Variants in FAM184A observed in about 807,000 individuals in gnomAD.
FAM184A encodes family with sequence similarity 184 member A.
In FAM184A, 99 loss-of-function variants were observed where a neutral mutation model predicts 143.8. That is an observed-to-expected ratio of 0.69 (90% CI 0.58 to 0.81). The LOEUF (loss-of-function observed/expected upper bound fraction) is 0.81. Ranked by LOEUF, FAM184A falls within the 40% of genes least tolerant of loss-of-function variation. The pLI is 0.00. For synonymous variants in FAM184A, 427 were observed against 446.4 expected (o/e 0.96, Z 0.55); for missense variants, 1,217 against 1,310.5 (o/e 0.93, Z 1.10).
chr6:118,960,308 T>C (rs1783279117), intron 17 of FAM184A, 124 bp from the exon 18 acceptor site: 1 of 721,388 alleles, frequency 1.4e-6, no homozygotes, highest in East Asian at 2.7e-5. Flanking sequence ...AGTCGTGTTT[T>C]AAAGATTTGC....
At chr6:119,122,725 C>T (rs1430650760) in intron 1 of FAM184A, among the ~76,000 whole-genome samples, 4 of 151,672 alleles carry the variant, frequency 2.6e-5, no homozygotes, top group South Asian at 4.2e-4. Flanking sequence ...AGTTCAACAC[C>T]GACCTGGGCA....
chr6:118,974,515 TCTG>T lies in FAM184A; in HGVS notation c.2825_2827del (p.Ala942del). On this transcript the variant is annotated inframe_deletion, in exon 14 of 18. Coordinates refer to ENST00000338891, the MANE Select transcript of FAM184A (RefSeq NM_024581.6). ...CATGATATTTTTCTCTCTGAGGTGG[TCTG>T]CTGTCATGACATCCAACTCTTTTTC... is the stretch of plus-strand genomic sequence containing the variant. The T allele has an allele frequency of 3.1e-6, 5 of 1,612,350 alleles. No homozygotes were observed. Among genetic ancestry groups the T allele is most frequent in the Non-Finnish European group, 4.2e-6 (5 of 1,178,990 alleles).
Position 118,961,780 on chromosome 6 carries a change from C to G in FAM184A, c.3322G>C (p.Gly1108Arg). 1.2e-6 allele frequency: 2 copies of G among 1,613,704 alleles called. No individual in the cohort carries two copies. The highest frequency in any genetic ancestry group is 1.7e-6 in the Non-Finnish European group (2 of 1,179,782). Reference sequence around the variant, plus strand: ...TCTCACCTCAAAAATGTCTTGGGCCCTTTAGGTGGCACTGGCTGTGGAAGT... The same window carrying G: ...TCTCACCTCAAAAATGTCTTGGGCCGTTTAGGTGGCACTGGCTGTGGAAGT... ...KPLPQPVPPK[G>R]PKTFLSPAQS... Residue 1108 changes from glycine to arginine, a missense_variant, in exon 17 of 18, where the codon GGG (glycine) becomes CGG (arginine). Coordinates refer to ENST00000338891, the MANE Select transcript of FAM184A (RefSeq NM_024581.6).
chr6:119,006,163 G>T, intron 7 of FAM184A: 1 of 765,134 alleles, frequency 1.3e-6, no homozygotes, highest in Admixed American at 1.7e-5. Context: ...AAGAATGCCT[G>T]GTGCTACCAG....
At chr6:118,997,292 T>G (rs1475018726) in intron 9 of FAM184A, among the ~76,000 whole-genome samples, 6 of 133,816 alleles carry the variant, frequency 4.5e-5, no homozygotes, top group Non-Finnish European at 3.1e-5. Context: ...CTCAAAGCAC[T>G]CCAGCCTGGG....
intron 1 of FAM184A, among the ~76,000 whole-genome samples, chr6:119,125,958 G>A (rs1216386351): frequency 6.6e-6 from 1 of 152,146 alleles, no homozygotes; most frequent in Non-Finnish European, 1.5e-5. Context: ...TAAATTTAAT[G>A]GCTTAAAACA....
At chr6:119,019,873 T>A (rs926411177) in intron 4 of FAM184A, 105 bp downstream of exon 4, 2 of 1,005,540 alleles carry the variant, frequency 2.0e-6, no homozygotes, top group African/African-American at 3.3e-5. Flanking sequence ...AAGTAGGAAA[T>A]GTATTGTTAC....
In FAM184A at chr6:119,078,221, C is replaced by T; in HGVS notation, c.79G>A (p.Ala27Thr). 6.5e-7 allele frequency: 1 copy of T among 1,548,290 alleles called. No homozygotes were observed. The change falls in exon 1 of 18, where the codon GCA (alanine) becomes ACA (threonine). Residue 27 changes from alanine to threonine, a missense_variant. Ala to Thr is a moderately conservative substitution (Grantham distance 58). Coordinates refer to ENST00000338891, the MANE Select transcript of FAM184A (RefSeq NM_024581.6). This position sits in a 1 kb window ranked among gnomAD's most constrained non-coding sequence, Gnocchi z 5.5. ...AAKFAPSPAT[A>T]QLAGHSMDYS... ...TCCATGCTGTGCCCAGCCAGCTGTG[C>T]GGTGGCCGGCGAGGGCGCGAATTTG...
At position 119,078,188 on chromosome 6, in the gene FAM184A, G is replaced by T; in HGVS notation, c.112C>A (p.Gln38Lys). Residue 38 changes from glutamine (Q) to lysine (K), a missense_variant, in exon 1 of 18, where the codon CAG (glutamine) becomes AAG (lysine). Physicochemically the swap from Gln to Lys is moderately conservative, Grantham distance 53. Coordinates refer to ENST00000338891, the MANE Select transcript of FAM184A (RefSeq NM_024581.6). The surrounding 1 kb of genome is among the most constrained non-coding windows in gnomAD (Gnocchi z 5.5). ...QLAGHSMDYS[Q>K]EMHLKMSKKI... The stretch of plus-strand genomic sequence containing the variant: ...TTGCTCATTTTCAGGTGCATCTCCT[G>T]GCTGTAGTCCATGCTGTGCCCAGCC... 6.3e-7 allele frequency: 1 copy of T among 1,589,336 alleles called. No individual in the cohort carries two copies.
intron 1 of FAM184A, among the ~76,000 whole-genome samples, chr6:119,041,281 G>A (rs1363990248): frequency 6.6e-6 from 1 of 152,020 alleles, no homozygotes; most frequent in Non-Finnish European, 1.5e-5. Flanking sequence ...TGATGAGATG[G>A]GACTGAGAGA....
At chr6:118,962,134 A>AT (rs1783348233) in intron 16 of FAM184A, 171 bp from the exon 17 acceptor site, 5 of 620,754 alleles carry the variant, frequency 8.1e-6, no homozygotes, top group South Asian at 2.0e-5. Flanking sequence ...CCTTGGAGGT[A>AT]TTTTTTATCT....
intron 9 of FAM184A, among the ~76,000 whole-genome samples, chr6:118,986,024 T>C (rs1784182245): frequency 6.6e-6 from 1 of 152,216 alleles, no homozygotes; most frequent in African/African-American, 2.4e-5. Flanking sequence ...CCTGGCGCGG[T>C]GGCTCATGCC....
chr6:119,033,939 C>T (rs189752832), intron 1 of FAM184A, among the ~76,000 whole-genome samples: 200 of 129,968 alleles, frequency 1.5e-3, no homozygotes, highest in African/African-American at 5.6e-3. Context: ...TGCAGTGAGC[C>T]GAGATCATGC....
intron 9 of FAM184A, among the ~76,000 whole-genome samples, chr6:118,995,805 T>C (rs1035692329): frequency 1.3e-5 from 2 of 152,230 alleles, no homozygotes; most frequent in African/African-American, 4.8e-5. Flanking sequence ...TCTCATCACA[T>C]GAAAGAGAAA....
At chr6:118,984,684 T>C (rs897713610) in intron 9 of FAM184A, among the ~76,000 whole-genome samples, 6 of 152,236 alleles carry the variant, frequency 3.9e-5, no homozygotes, top group Non-Finnish European at 7.3e-5. Flanking sequence ...CAAAAACCAT[T>C]GAGCCTTGTT....
intron 1 of FAM184A, among the ~76,000 whole-genome samples, chr6:119,107,994 A>C (rs1229788054): frequency 6.6e-6 from 1 of 152,170 alleles, no homozygotes; most frequent in Non-Finnish European, 1.5e-5. Flanking sequence ...TAAAAGGTTA[A>C]TCAGGTATTG....
chr6:119,072,983 TG>T (rs1416526581), intron 1 of FAM184A, among the ~76,000 whole-genome samples: 6 of 152,192 alleles, frequency 3.9e-5, no homozygotes, highest in Admixed American at 1.3e-4. Context: ...TATTAAGCTT[TG>T]GTACTATGTG....
intron 2 of FAM184A, among the ~76,000 whole-genome samples, chr6:119,023,563 C>CG (rs1377753107): frequency 5.5e-5 from 6 of 109,674 alleles, no homozygotes; most frequent in African/African-American, 1.6e-4. Context: ...CCGCCCCCCC[C>CG]CCCAGGAACA....
intron 1 of FAM184A, among the ~76,000 whole-genome samples, chr6:119,089,176 A>ATCTC (rs777109947): frequency 2.1e-4 from 28 of 136,414 alleles, no homozygotes; most frequent in African/African-American, 8.1e-4. Flanking sequence ...TTTTTTAATT[A>ATCTC]TCTCTCTCTC....
Sources: allele counts gnomAD v4.1 joint callset (sites outside exome capture counted in the v4.1 genomes callset), GRCh38; gene constraint gnomAD v4.1.1; non-coding constraint Gnocchi (gnomAD v3.1); transcripts MANE v1.5; gene names NCBI Gene and HGNC (gene_info 2026-07-23, HGNC 2026-07-21).